CDYL: variants seen among roughly 807,000 people sequenced by gnomAD.
CDYL encodes chromodomain Y like.
CDYL carries 8 observed loss-of-function variants against 47.3 expected under a neutral mutation model. That is an observed-to-expected ratio of 0.17 (90% CI 0.10 to 0.31). The LOEUF is 0.31. Among genes scored for constraint, CDYL ranks in the 10% least tolerant of loss-of-function variants. The pLI, the probability that CDYL is intolerant of heterozygous loss-of-function variation, is 1.00. For missense variants in CDYL, 471 were observed against 701.4 expected (o/e 0.67, Z 3.71); for synonymous variants, 266 against 265.0 (o/e 1.00, Z -0.04).
At chr6:4,941,946 T>A (rs1232741533) in intron 4 of CDYL, among the ~76,000 whole-genome samples, 1 of 152,250 alleles carries the variant, frequency 6.6e-6, no homozygotes, top group Non-Finnish European at 1.5e-5. Flanking sequence ...TCAGCAGTTT[T>A]ACCTTTTCAT....
intron 1 of CDYL, among the ~76,000 whole-genome samples, chr6:4,861,945 A>G (rs1350777817): frequency 6.6e-6 from 1 of 152,226 alleles, no homozygotes; most frequent in Admixed American, 6.5e-5. Context: ...CAAAGTGTAC[A>G]TTCCCCATTC....
At chr6:4,828,334 T>C (rs561047711) in intron 1 of CDYL, among the ~76,000 whole-genome samples, 4 of 149,480 alleles carry the variant, frequency 2.7e-5, no homozygotes, top group Admixed American at 1.3e-4. Flanking sequence ...CATAGCTCAC[T>C]GTAAGCCTCA....
At chr6:4,922,210 A>C (rs536519317) in intron 2 of CDYL, among the ~76,000 whole-genome samples, 4 of 152,286 alleles carry the variant, frequency 2.6e-5, no homozygotes, top group Non-Finnish European at 4.4e-5. Context: ...CTGCCCGGCC[A>C]GCAGTGATGG....
chr6:4,836,959 C>G (rs115818278), intron 1 of CDYL, among the ~76,000 whole-genome samples: 1,780 of 152,266 alleles, frequency 0.012, 41 homozygotes, highest in African/African-American at 0.041. Context: ...GTATGTGTGT[C>G]TGCTCCCACC....
At chr6:4,919,950 A>G (rs1581264469) in intron 2 of CDYL, among the ~76,000 whole-genome samples, 1 of 60,252 alleles carries the variant, frequency 1.7e-5, no homozygotes, top group Admixed American at 2.1e-4. Flanking sequence ...GAAGCAACCC[A>G]AGTGTCTATC....
At chr6:4,819,126 C>CTCTCTCTCTCTG (rs1759755082) in intron 1 of CDYL, among the ~76,000 whole-genome samples, 1 of 123,322 alleles carries the variant, frequency 8.1e-6, no homozygotes, top group Admixed American at 7.7e-5. Context: ...TTCTCTCTCT[C>CTCTCTCTCTCTG]TCTCTCTCTC....
chr6:4,768,645 A>G (rs1425662465), intron 3 of CDYL, among the ~76,000 whole-genome samples: 1 of 152,218 alleles, frequency 6.6e-6, no homozygotes, highest in Non-Finnish European at 1.5e-5. Context: ...AATTGTAGAT[A>G]CTTTTTGTAG....
At chr6:4,775,109 A>G (rs957470364), upstream of CDYL, among the ~76,000 whole-genome samples, 12 of 152,216 alleles carry the variant, frequency 7.9e-5, no homozygotes, top group African/African-American at 2.9e-4. This position sits in a 1 kb window ranked among gnomAD's most constrained non-coding sequence, Gnocchi z 7.0. Flanking sequence ...TTGTGGCTCC[A>G]AGGTAGGTTA....
At chr6:4,744,506 AT>A (rs1386519137) in intron 3 of CDYL, among the ~76,000 whole-genome samples, 3 of 147,090 alleles carry the variant, frequency 2.0e-5, no homozygotes, top group Admixed American at 1.4e-4. Flanking sequence ...AAAAAAAAAA[AT>A]TGCCAAATTA....
chr6:4,823,272 A>G (rs1385575584), intron 1 of CDYL, among the ~76,000 whole-genome samples: 2 of 152,224 alleles, frequency 1.3e-5, no homozygotes. Context: ...ACAAATATTC[A>G]GAGAACAGTC....
At chr6:4,946,384 C>T (rs1758516468) in intron 5 of CDYL, among the ~76,000 whole-genome samples, 3 of 152,166 alleles carry the variant, frequency 2.0e-5, no homozygotes, top group Admixed American at 1.3e-4. Flanking sequence ...GGTGCATCTG[C>T]CCCCAGTGGG....
At chr6:4,728,321 C>T (rs1757549919) in intron 2 of CDYL, among the ~76,000 whole-genome samples, 1 of 152,210 alleles carries the variant, frequency 6.6e-6, no homozygotes, top group Non-Finnish European at 1.5e-5. Flanking sequence ...CCCCTGAGGC[C>T]ACTGCCTGTG....
chr6:4,946,844 C>A (rs1296240595), intron 5 of CDYL, among the ~76,000 whole-genome samples: 1 of 152,190 alleles, frequency 6.6e-6, no homozygotes. Flanking sequence ...CTGGCACTGA[C>A]CACAGGCTCC....
chr6:4,836,361 A>G (rs928347907), intron 1 of CDYL: 1 of 620,172 alleles, frequency 1.6e-6, no homozygotes, highest in Non-Finnish European at 2.0e-6. Flanking sequence ...CCAACCCCCT[A>G]GAGGAGTTGG....
At chr6:4,861,145 A>G (rs1761157442) in intron 1 of CDYL, among the ~76,000 whole-genome samples, 1 of 152,264 alleles carries the variant, frequency 6.6e-6, no homozygotes, top group Non-Finnish European at 1.5e-5. Context: ...ATAAATATCA[A>G]TGAAAAAATG....
chr6:4,716,197 C>T (rs1184403807), intron 2 of CDYL, among the ~76,000 whole-genome samples: 4 of 150,492 alleles, frequency 2.7e-5, no homozygotes, highest in African/African-American at 4.9e-5. Flanking sequence ...GCAGTGAGCC[C>T]GAGATCGCGC....
At chr6:4,815,673 CTTTTT>C (rs35346944) in intron 1 of CDYL, among the ~76,000 whole-genome samples, 1 of 113,654 alleles carries the variant, frequency 8.8e-6, no homozygotes, top group Admixed American at 9.1e-5. Context: ...TGAGATTTCA[CTTTTT>C]TTTTTTTTTT....
intron 3 of CDYL, among the ~76,000 whole-genome samples, chr6:4,735,877 CTG>C: frequency 6.7e-6 from 1 of 150,360 alleles, no homozygotes; most frequent in East Asian, 2.0e-4. Context: ...CCCCCGCCCT[CTG>C]TATTTATGTG....
chr6:4,721,377 TG>T (rs1317730123), intron 2 of CDYL, among the ~76,000 whole-genome samples: 2 of 149,898 alleles, frequency 1.3e-5, no homozygotes, highest in Non-Finnish European at 3.0e-5. Context: ...AGGGGAGGGG[TG>T]TTGTTTTTCT....
Sources: gnomAD v4.1 joint callset for allele counts (sites outside exome capture counted in the v4.1 genomes callset) on GRCh38, gnomAD v4.1.1 for gene constraint, Gnocchi (gnomAD v3.1) non-coding constraint, MANE v1.5 for transcripts, NCBI Gene and HGNC (gene_info 2026-07-23, HGNC 2026-07-21) for gene names.